PALM2AKAP2: variants seen among roughly 807,000 people sequenced by gnomAD.
PALM2AKAP2 encodes PALM2 and AKAP2 fusion, also known as PALM2-AKAP2 fusion protein.
PALM2AKAP2 carries 37 observed loss-of-function variants against 71.5 expected under a neutral mutation model. That is an observed-to-expected ratio of 0.52 (90% CI 0.40 to 0.68). The LOEUF (loss-of-function observed/expected upper bound fraction) is 0.68. Ranked by LOEUF, PALM2AKAP2 falls within the 30% of genes least tolerant of loss-of-function variation. The pLI, the probability that PALM2AKAP2 is intolerant of heterozygous loss-of-function variation, is 0.00. For synonymous variants in PALM2AKAP2, 468 were observed against 478.8 expected, an observed-to-expected ratio of 0.98 and a Z score of 0.29; for missense variants, 1,224 against 1,191.8, an observed-to-expected ratio of 1.03 and a Z score of -0.40.
At chr9:110,109,038 T>C (rs1379945806) in intron 1 of PALM2AKAP2, among the ~76,000 whole-genome samples, 2 of 151,634 alleles carry the variant, frequency 1.3e-5, no homozygotes, top group Non-Finnish European at 2.9e-5. Context: ...CAGAAACCGG[T>C]CCGGCGCGGT....
intron 4 of PALM2AKAP2, 97 bp from the exon 5 acceptor site, chr9:109,924,964 C>A (rs2131963719): frequency 6.4e-7 from 1 of 1,569,882 alleles, no homozygotes; most frequent in Admixed American, 1.7e-5. Flanking sequence ...TGGGCTGGGG[C>A]ATGGGAGAAA....
At chr9:110,142,140 C>T (rs1475091609) in intron 2 of PALM2AKAP2, among the ~76,000 whole-genome samples, 2 of 147,734 alleles carry the variant, frequency 1.4e-5, no homozygotes, top group East Asian at 2.0e-4. Context: ...GGGGCAAACT[C>T]GGCTCACTGC....
At chr9:109,995,344 G>A (rs564194846) in intron 6 of PALM2AKAP2, among the ~76,000 whole-genome samples, 23 of 152,298 alleles carry the variant, frequency 1.5e-4, no homozygotes, top group Admixed American at 4.6e-4. Flanking sequence ...GATGGCAGGG[G>A]GTGGGTCTTT....
At chr9:109,871,292 A>G (rs951202858) in intron 2 of PALM2AKAP2, among the ~76,000 whole-genome samples, 1 of 152,216 alleles carries the variant, frequency 6.6e-6, no homozygotes, top group African/African-American at 2.4e-5. Context: ...AGACTAAAGT[A>G]TAAAATGGTA....
rs553932605 is a variant in PALM2AKAP2, at chr9:110,071,247, A to G, written c.156+22392A>G. On this transcript the variant is annotated intron_variant, in intron 1 of 3. Coordinates refer to ENST00000374525, the Ensembl canonical transcript of PALM2AKAP2. ...TGGTCGAATATTAGAAATTTCATGT[A>G]GTTGAACTCAACATTTAGAGAGTCT... Among the ~76,000 whole-genome samples the G allele has an allele frequency of 3.9e-5, 6 of 152,120 alleles. No individual in the cohort carries two copies. In the South Asian group the frequency reaches 1.2e-3, roughly 32 times the overall value.
At chr9:110,018,731 T>G (rs936510183) in intron 7 of PALM2AKAP2, among the ~76,000 whole-genome samples, 1 of 152,338 alleles carries the variant, frequency 6.6e-6, no homozygotes, top group South Asian at 2.1e-4. Flanking sequence ...ATTTGTGAAT[T>G]TTCTAGGTGG....
intron 3 of PALM2AKAP2, 43 bp from the exon 11 acceptor site, chr9:110,168,356 A>T: frequency 6.3e-7 from 1 of 1,585,654 alleles, no homozygotes; most frequent in Non-Finnish European, 8.6e-7. Flanking sequence ...GTTCATAATT[A>T]ACATCCATGA....
Position 110,137,916 on chromosome 9 carries a change from C to T in PALM2AKAP2, c.1946C>T (p.Pro649Leu), listed in dbSNP as rs747422795. 9.9e-6 allele frequency: 16 copies of T among 1,614,036 alleles called. No individual in the cohort carries two copies. In the Admixed American group the frequency reaches 1.2e-4, roughly 12 times the overall value. ...CCTTCCTCCACGCTGGGGGACTCTC[C>T]GTTGGTTGATGACCCCTTGGAGTAT... The change falls in exon 2 of 4, where the codon CCG (proline) becomes CTG (leucine). Residue 649 changes from proline to leucine, a missense_variant. Coordinates refer to ENST00000374525, the Ensembl canonical transcript of PALM2AKAP2.
intron 2 of PALM2AKAP2, among the ~76,000 whole-genome samples, chr9:110,143,553 T>C (rs774137038): frequency 1.3e-5 from 2 of 152,092 alleles, no homozygotes; most frequent in Non-Finnish European, 2.9e-5. Flanking sequence ...TATCCAAACA[T>C]TGTATTGAAG....
chr9:109,725,007 A>T (rs1264191033), intron 1 of PALM2AKAP2, among the ~76,000 whole-genome samples: 1 of 152,244 alleles, frequency 6.6e-6, no homozygotes, highest in African/African-American at 2.4e-5. Flanking sequence ...TAGACAAAGT[A>T]AACAATCATT....
chr9:110,077,753 C>T (rs375755596), intron 1 of PALM2AKAP2, among the ~76,000 whole-genome samples: 1 of 152,160 alleles, frequency 6.6e-6, no homozygotes, highest in East Asian at 1.9e-4. Context: ...CAGTGGCTCA[C>T]GCCTGTAATC....
At chr9:110,018,720 A>T (rs1057352977) in intron 7 of PALM2AKAP2, among the ~76,000 whole-genome samples, 1 of 152,152 alleles carries the variant, frequency 6.6e-6, no homozygotes, top group Non-Finnish European at 1.5e-5. Context: ...CTCACTAAGG[A>T]ATTTGTGAAT....
upstream of PALM2AKAP2, among the ~76,000 whole-genome samples, chr9:110,044,235 C>T (rs1413345734): frequency 6.6e-6 from 1 of 152,026 alleles, no homozygotes; most frequent in East Asian, 1.9e-4. Context: ...TGAGGTCACC[C>T]ACTGTTTGGT....
chr9:109,843,123 G>A (rs1266560760), intron 1 of PALM2AKAP2, among the ~76,000 whole-genome samples: 1 of 102,096 alleles, frequency 9.8e-6, no homozygotes, highest in African/African-American at 4.1e-5. Flanking sequence ...CTGGGCAACA[G>A]GAATGAAACT....
intron 3 of PALM2AKAP2, among the ~76,000 whole-genome samples, chr9:110,163,569 A>G (rs2119264945): frequency 6.6e-6 from 1 of 152,298 alleles, no homozygotes; most frequent in African/African-American, 2.4e-5. Context: ...TTATACTACA[A>G]ATGTGTATAT....
intron 1 of PALM2AKAP2, among the ~76,000 whole-genome samples, chr9:109,701,477 A>G (rs1402499419): frequency 1.3e-5 from 2 of 152,264 alleles, no homozygotes; most frequent in Non-Finnish European, 2.9e-5. Flanking sequence ...AAACCTGACA[A>G]AAACAAGAAA....
At chr9:110,088,703 GTTTTTTTTTTTTTTTTTT>G (rs71373964) in intron 1 of PALM2AKAP2, among the ~76,000 whole-genome samples, 5 of 75,636 alleles carry the variant, frequency 6.6e-5, no homozygotes, top group Admixed American at 1.9e-4. Context: ...GCATTTACGT[GTTTTTTTTTTTTTTTTTT>G]TTTTTTTTTT....
chr9:109,855,649 A>T (rs191613069), intron 1 of PALM2AKAP2, among the ~76,000 whole-genome samples: 3 of 152,302 alleles, frequency 2.0e-5, no homozygotes, highest in Non-Finnish European at 4.4e-5. Context: ...CACTTTTTAC[A>T]TTGCCTGAGT....
chr9:109,807,230 C>T (rs1194805451), intron 1 of PALM2AKAP2, among the ~76,000 whole-genome samples: 1 of 152,148 alleles, frequency 6.6e-6, no homozygotes, highest in Non-Finnish European at 1.5e-5. Context: ...AAATGGGGAT[C>T]ACCATGGGAA....
Sources: allele counts gnomAD v4.1 joint callset (sites outside exome capture counted in the v4.1 genomes callset), GRCh38; gene constraint gnomAD v4.1.1; transcripts MANE v1.5; gene names NCBI Gene and HGNC (gene_info 2026-07-23, HGNC 2026-07-21).